Variants in FAAH2 observed in about 807,000 individuals in gnomAD.
The protein encoded by FAAH2 is fatty-acid amide hydrolase 2.
In FAAH2, 60 loss-of-function variants were observed where a neutral mutation model predicts 36.9. The ratio of observed to expected loss-of-function variants is 1.63; its 90% CI spans 1.32 to 2.02. The LOEUF (loss-of-function observed/expected upper bound fraction) is 2.02, where lower values mean the gene tolerates loss of function less well. FAAH2 is among the 30% of genes most tolerant of loss of function. The pLI is 0.00. For synonymous variants in FAAH2, 214 were observed against 143.8 expected, an observed-to-expected ratio of 1.49 and a Z score of -3.49; for missense variants, 689 against 397.5, an observed-to-expected ratio of 1.73 and a Z score of -6.23.
chrX:57,373,354 G>A (rs1332077686), intron 5 of FAAH2, among the ~76,000 whole-genome samples: 8 of 107,909 alleles, frequency 7.4e-5, no homozygotes, highest in African/African-American at 2.6e-4. Flanking sequence ...CAGCAATGTA[G>A]AAGTGTTTCT....
intron 10 of FAAH2, among the ~76,000 whole-genome samples, chrX:57,481,493 G>A (rs1399827360): frequency 9.0e-6 from 1 of 111,716 alleles, no homozygotes; most frequent in Non-Finnish European, 1.9e-5. Flanking sequence ...CTAACAGTCA[G>A]GCCTCTCTTC....
At chrX:57,163,358 G>A in the FAAH2 span, among the ~76,000 whole-genome samples, 4 of 112,153 alleles carry the variant, frequency 3.6e-5, no homozygotes, top group African/African-American at 1.3e-4. Flanking sequence ...ACAGAAGCAG[G>A]CAGGCCTCCT....
At chrX:57,334,997 G>T (rs1023598841) in intron 4 of FAAH2, among the ~76,000 whole-genome samples, 2 of 111,386 alleles carry the variant, frequency 1.8e-5, no homozygotes, top group Admixed American at 1.9e-4. Flanking sequence ...GGATCAAGTG[G>T]ACCTAATAGA....
intron 8 of FAAH2, among the ~76,000 whole-genome samples, chrX:57,438,555 C>A (rs1367129022): frequency 9.1e-6 from 1 of 110,013 alleles, no homozygotes; most frequent in East Asian, 2.9e-4. Flanking sequence ...ACATCAGTGT[C>A]ATTTTTTCGA....
At chrX:57,160,435 C>A in the FAAH2 span, among the ~76,000 whole-genome samples, 1 of 111,740 alleles carries the variant, frequency 8.9e-6, no homozygotes, top group Non-Finnish European at 1.9e-5. Context: ...CTCCTTGAAC[C>A]TCTGGTAGAA....
intron 7 of FAAH2, among the ~76,000 whole-genome samples, chrX:57,414,508 T>C (rs776001969): frequency 1.8e-5 from 2 of 112,127 alleles, no homozygotes; most frequent in South Asian, 7.5e-4. Flanking sequence ...GTTTATGTGA[T>C]GGATTACATG....
At chrX:57,141,140 T>C in the FAAH2 span, among the ~76,000 whole-genome samples, 2 of 112,256 alleles carry the variant, frequency 1.8e-5, no homozygotes, top group Non-Finnish European at 3.8e-5. Flanking sequence ...AGAGTTTTTT[T>C]CATGAAACGA....
At chrX:57,403,117 A>G (rs1055791327) in intron 7 of FAAH2, among the ~76,000 whole-genome samples, 3 of 112,105 alleles carry the variant, frequency 2.7e-5, no homozygotes, top group Non-Finnish European at 5.6e-5. Context: ...GGAAAAAGGC[A>G]CATGCACTCT....
the FAAH2 span, among the ~76,000 whole-genome samples, chrX:57,232,992 G>A: frequency 8.9e-6 from 1 of 112,343 alleles, no homozygotes; most frequent in African/African-American, 3.2e-5. Context: ...GTAATTTTGT[G>A]TGTTATACTC....
intron 7 of FAAH2, among the ~76,000 whole-genome samples, chrX:57,415,365 G>A (rs2055814359): frequency 9.0e-6 from 1 of 111,706 alleles, no homozygotes; most frequent in Admixed American, 9.5e-5. Context: ...GGCATTTAGT[G>A]CTATAAATTT....
intron 5 of FAAH2, among the ~76,000 whole-genome samples, chrX:57,364,557 T>A (rs2054366807): frequency 9.2e-6 from 1 of 108,874 alleles, no homozygotes; most frequent in South Asian, 4.0e-4. Flanking sequence ...CTATCTAGAT[T>A]TTGCTCAGCT....
chrX:57,341,367 T>C lies in FAAH2; in HGVS notation c.719T>C (p.Ile240Thr), dbSNP rs1385025383. 8.3e-7 allele frequency: 1 copy of C among 1,208,451 alleles called. No individual in the cohort carries two copies. Among genetic ancestry groups the C allele is most frequent in the African/African-American group, 1.8e-5 (1 of 57,116 alleles). ...SIRMPAFFNG[I>T]FGHKPSPGVV... Reference sequence around the variant, plus strand: ...CGAATGCCTGCTTTCTTCAATGGTATATTTGGACACAAGCCTTCTCCAGGT... The same window carrying C: ...CGAATGCCTGCTTTCTTCAATGGTACATTTGGACACAAGCCTTCTCCAGGT... The change falls in exon 5 of 11, where the codon ATA becomes ACA. Residue 240 changes from isoleucine (I) to threonine (T), a missense_variant. Coordinates refer to ENST00000374900, the MANE Select transcript of FAAH2 (RefSeq NM_174912.4).
intron 10 of FAAH2, among the ~76,000 whole-genome samples, chrX:57,478,962 G>A (rs1437269569): frequency 3.6e-5 from 4 of 111,528 alleles, no homozygotes; most frequent in Non-Finnish European, 5.6e-5. Flanking sequence ...GATTGACTTG[G>A]CAATGTGGGC....
the FAAH2 span, among the ~76,000 whole-genome samples, chrX:57,266,537 C>G: frequency 1.8e-5 from 2 of 112,461 alleles, no homozygotes; most frequent in African/African-American, 6.5e-5. Flanking sequence ...TGCAGTAGGC[C>G]TCTCCTTGTT....
At chrX:57,257,769 G>A in the FAAH2 span, among the ~76,000 whole-genome samples, 1 of 110,794 alleles carries the variant, frequency 9.0e-6, no homozygotes, top group Admixed American at 9.6e-5. Flanking sequence ...TTTAACCAAG[G>A]ATGTGAAAAA....
the FAAH2 span, among the ~76,000 whole-genome samples, chrX:57,272,113 A>G: frequency 9.2e-6 from 1 of 108,182 alleles, no homozygotes; most frequent in African/African-American, 3.4e-5. Context: ...ATATACAAGT[A>G]TCAATAGCTG....
intron 2 of FAAH2, among the ~76,000 whole-genome samples, chrX:57,300,302 G>T (rs781124723): frequency 1.8e-5 from 2 of 111,057 alleles, no homozygotes; most frequent in Non-Finnish European, 3.8e-5. Flanking sequence ...AAACAATGCC[G>T]CATATCTACA....
chrX:57,294,097 G>C (rs1218615110), intron 2 of FAAH2, among the ~76,000 whole-genome samples: 1 of 112,073 alleles, frequency 8.9e-6, no homozygotes, highest in Non-Finnish European at 1.9e-5. Context: ...CTGGCATTAA[G>C]ATGAAAAATA....
chrX:57,476,505 T>C (rs976273205), intron 10 of FAAH2, among the ~76,000 whole-genome samples: 10 of 111,600 alleles, frequency 9.0e-5, no homozygotes, highest in Non-Finnish European at 1.7e-4. Flanking sequence ...TTTTCATATA[T>C]TGAACCAGCC....
Sources: allele counts gnomAD v4.1 joint callset (sites outside exome capture counted in the v4.1 genomes callset), GRCh38; gene constraint gnomAD v4.1.1; transcripts MANE v1.5; gene names NCBI Gene and HGNC (gene_info 2026-07-23, HGNC 2026-07-21).